Variants in DENND1B observed in about 807,000 individuals in gnomAD.
DENND1B encodes DENN domain containing 1B.
A neutral mutation model predicts 90.1 loss-of-function variants in DENND1B; 59 were observed. The observed-to-expected ratio is 0.65, with a 90% CI of 0.53 to 0.81. The LOEUF is 0.81. Among genes scored for constraint, DENND1B ranks in the 40% least tolerant of loss-of-function variants. The pLI, the probability that DENND1B is intolerant of heterozygous loss-of-function variation, is 0.00. For synonymous variants in DENND1B, 337 were observed against 324.6 expected, an observed-to-expected ratio of 1.04 and a Z score of -0.41; for missense variants, 862 against 912.6, an observed-to-expected ratio of 0.94 and a Z score of 0.71.
chr1:197,610,152 GA>G (rs1396660891), intron 12 of DENND1B, among the ~76,000 whole-genome samples: 1 of 150,600 alleles, frequency 6.6e-6, no homozygotes, highest in Non-Finnish European at 1.5e-5. Context: ...TGACTATTAA[GA>G]CACTTAGATA....
At chr1:197,527,177 ATATCT>A (rs1366781918) in intron 20 of DENND1B, among the ~76,000 whole-genome samples, 1 of 152,130 alleles carries the variant, frequency 6.6e-6, no homozygotes, top group Non-Finnish European at 1.5e-5. Context: ...TAGTCTACAT[ATATCT>A]TTGGAACGCT....
chr1:197,674,904 AAC>A (rs1450142053), intron 3 of DENND1B, among the ~76,000 whole-genome samples: 2 of 152,132 alleles, frequency 1.3e-5, no homozygotes, highest in African/African-American at 2.4e-5. Context: ...TCAGTTATTT[AAC>A]AGTCATTAAA....
At chr1:197,651,685 T>C (rs1653205813) in intron 7 of DENND1B, among the ~76,000 whole-genome samples, 1 of 120,210 alleles carries the variant, frequency 8.3e-6, no homozygotes, top group Non-Finnish European at 1.6e-5. Flanking sequence ...AGACTGAGTC[T>C]CACTCTGTCA....
intron 2 of DENND1B, chr1:197,735,696 T>G: frequency 6.2e-7 from 1 of 1,614,076 alleles, no homozygotes; most frequent in Admixed American, 1.7e-5. Context: ...CGGGAGGCGC[T>G]ACGCCAGGAC....
At chr1:197,670,443 C>CTGTGTGTGTG (rs60648023) in intron 5 of DENND1B, among the ~76,000 whole-genome samples, 15,480 of 99,358 alleles carry the variant, frequency 0.16, 1,638 homozygotes, top group Middle Eastern at 0.22. Flanking sequence ...GGGGGGAAGA[C>CTGTGTGTGTG]TGTGTGTGTG....
intron 3 of DENND1B, among the ~76,000 whole-genome samples, chr1:197,678,366 T>C (rs1485131344): frequency 1.3e-5 from 2 of 152,206 alleles, no homozygotes; most frequent in African/African-American, 4.8e-5. Flanking sequence ...TTCATATGAA[T>C]AACACTTTCA....
intron 2 of DENND1B, among the ~76,000 whole-genome samples, chr1:197,726,319 C>T (rs1171262521): frequency 6.6e-6 from 1 of 152,150 alleles, no homozygotes; most frequent in Non-Finnish European, 1.5e-5. Context: ...AGAACTTCAA[C>T]ATAGATGATG....
At chr1:197,745,553 G>A (rs1380904562) in intron 2 of DENND1B, among the ~76,000 whole-genome samples, 1 of 149,258 alleles carries the variant, frequency 6.7e-6, no homozygotes, top group Non-Finnish European at 1.5e-5. Flanking sequence ...ATGGTTCATG[G>A]TACCACAAAA....
intron 3 of DENND1B, among the ~76,000 whole-genome samples, chr1:197,704,513 T>C (rs1393081365): frequency 6.6e-6 from 1 of 152,084 alleles, no homozygotes; most frequent in Non-Finnish European, 1.5e-5. Flanking sequence ...ACTTTTATAG[T>C]TTTATCTCCC....
intron 15 of DENND1B, among the ~76,000 whole-genome samples, chr1:197,570,871 A>G (rs1673087303): frequency 6.6e-6 from 1 of 152,214 alleles, no homozygotes; most frequent in African/African-American, 2.4e-5. Flanking sequence ...ACAAGGTCCT[A>G]TGCAAGAAAC....
At chr1:197,647,173 A>G in intron 7 of DENND1B, 59 bp from the exon 8 acceptor site, 2 of 1,209,590 alleles carry the variant, frequency 1.7e-6, no homozygotes, top group Non-Finnish European at 2.2e-6. Flanking sequence ...AGCTTACACA[A>G]CAATTTGCTG....
Position 197,583,767 on chromosome 1 carries a change from G to A in DENND1B, c.1048-514C>T, listed in dbSNP as rs1674454287. ...ATACTTTCCAGGATAAGTCCTACTT[G>A]GGATCTGCTTTCATTAATCCTTTGC... On this transcript the variant is annotated intron_variant, in intron 14 of 22. Transcript: ENST00000620048. Among the ~76,000 whole-genome samples, 10 of 152,198 alleles carry A rather than the reference G, an allele frequency of 6.6e-5. 1 individual carries two copies. The South Asian group carries it at 2.1e-3, about 32-fold the overall frequency.
intron 20 of DENND1B, among the ~76,000 whole-genome samples, chr1:197,524,925 A>G (rs1669036354): frequency 6.6e-6 from 1 of 152,200 alleles, no homozygotes; most frequent in Non-Finnish European, 1.5e-5. Flanking sequence ...GACTGCTTTT[A>G]CTGAACACAG....
chr1:197,768,461 T>A (rs1368031205), intron 2 of DENND1B, among the ~76,000 whole-genome samples: 2 of 152,134 alleles, frequency 1.3e-5, no homozygotes, highest in Non-Finnish European at 2.9e-5. Flanking sequence ...GGGGACAGTA[T>A]GGTAACAATG....
chr1:197,694,611 T>C (rs937051007), intron 3 of DENND1B, among the ~76,000 whole-genome samples: 1 of 151,624 alleles, frequency 6.6e-6, no homozygotes, highest in South Asian at 2.1e-4. Context: ...GAACTCTTTA[T>C]AGAACTAAAT....
At chr1:197,717,807 T>C (rs1571482247) in intron 2 of DENND1B, among the ~76,000 whole-genome samples, 1 of 151,990 alleles carries the variant, frequency 6.6e-6, no homozygotes, top group South Asian at 2.1e-4. Context: ...CCAGTGTGAT[T>C]CTACTACACT....
chr1:197,634,260 T>C (rs1679580503), intron 10 of DENND1B, among the ~76,000 whole-genome samples: 1 of 152,196 alleles, frequency 6.6e-6, no homozygotes, highest in South Asian at 2.1e-4. Context: ...CCCAATGTTA[T>C]AGTTTTTAAA....
chr1:197,540,951 T>A lies in DENND1B; in HGVS notation c.1407+8A>T. 1.2e-6 allele frequency: 2 copies of A among 1,609,028 alleles called. No individual in the cohort carries two copies. Among genetic ancestry groups the A allele is most frequent in the East Asian group, 4.5e-5 (2 of 44,626 alleles). On this transcript the variant is annotated splice_region_variant and intron_variant, in intron 19 of 22. Transcript: ENST00000620048. ...AAGGTAAAATGGAAAAAAATGAATA[T>A]GACATACCTTGTGTTTTAGTTTACT...
intron 7 of DENND1B, among the ~76,000 whole-genome samples, chr1:197,651,998 G>A (rs1359077855): frequency 2.0e-5 from 3 of 151,982 alleles, no homozygotes; most frequent in African/African-American, 4.8e-5. Flanking sequence ...CATAGATTTG[G>A]TTACTTTTAG....
Sources: gnomAD v4.1 joint callset for allele counts (sites outside exome capture counted in the v4.1 genomes callset) on GRCh38, gnomAD v4.1.1 for gene constraint, MANE v1.5 for transcripts, NCBI Gene and HGNC (gene_info 2026-07-23, HGNC 2026-07-21) for gene names.